Variants in ANK2 observed in about 807,000 individuals in gnomAD.
The protein encoded by ANK2 is ankyrin-2.
In ANK2, 83 loss-of-function variants were observed where a neutral mutation model predicts 360.5. The observed-to-expected ratio is 0.23, with a 90% confidence interval of 0.19 to 0.28. The LOEUF is 0.28. Among genes scored for constraint, ANK2 ranks in the 10% least tolerant of loss-of-function variants. ANK2 has a pLI of 1.00. For missense variants in ANK2, 4,201 were observed against 4,795.7 expected, an observed-to-expected ratio of 0.88 and a Z score of 3.66; for synonymous variants, 1,740 against 1,759.5, an observed-to-expected ratio of 0.99 and a Z score of 0.28.
intron 2 of ANK2, among the ~76,000 whole-genome samples, chr4:113,192,237 T>G (rs1199541091): frequency 6.6e-6 from 1 of 152,118 alleles, no homozygotes; most frequent in East Asian, 1.9e-4. Context: ...TTTTTGTGAG[T>G]GCCAATGTTT....
At chr4:112,721,440 G>A in the ANK2 span, among the ~76,000 whole-genome samples, 1 of 150,770 alleles carries the variant, frequency 6.6e-6, no homozygotes, top group Non-Finnish European at 1.5e-5. Context: ...TACTTGGGAG[G>A]CTAAGGCAGG....
chr4:112,774,190 G>A, the ANK2 span, among the ~76,000 whole-genome samples: 5 of 151,938 alleles, frequency 3.3e-5, no homozygotes, highest in South Asian at 2.1e-4. Flanking sequence ...CCCTGGTCAC[G>A]CCCTTAAGGA....
chr4:113,356,405 A>C lies in ANK2; in HGVS notation c.7787A>C (p.Lys2596Thr). The C allele has an allele frequency of 6.2e-7, 1 of 1,614,184 alleles. No homozygotes were observed. Among genetic ancestry groups the C allele is most frequent in the Non-Finnish European group, 8.5e-7 (1 of 1,180,002 alleles). Residue 2596 changes from lysine (K) to threonine (T), a missense_variant, in exon 38 of 46, where the codon AAA (lysine) becomes ACA (threonine). Physicochemically the swap from Lys to Thr is moderately conservative, Grantham distance 78 (BLOSUM62 -1). Transcript: ENST00000357077. ...ATGTTTAAAATGGTAACCAAAATCA[A>C]AATGTTTGATGAACTTGAACAAGAA... ...EEMFKMVTKI[K>T]MFDELEQEAK...
intron 1 of ANK2, among the ~76,000 whole-genome samples, chr4:112,819,983 C>A (rs2056537381): frequency 6.6e-6 from 1 of 152,230 alleles, no homozygotes; most frequent in African/African-American, 2.4e-5. Context: ...AAACGATGCT[C>A]ATCCTTGGGC....
intron 22 of ANK2, among the ~76,000 whole-genome samples, chr4:113,300,581 T>C (rs954990881): frequency 5.3e-5 from 8 of 152,126 alleles, no homozygotes; most frequent in African/African-American, 1.9e-4. Context: ...TAGGAGTACA[T>C]AGCAGCAGAT....
At chr4:112,721,571 G>T in the ANK2 span, among the ~76,000 whole-genome samples, 8 of 140,052 alleles carry the variant, frequency 5.7e-5, no homozygotes, top group Admixed American at 1.5e-4. Flanking sequence ...AAAAAAAAAG[G>T]TTGGCTACCC....
chr4:113,247,264 T>C lies in ANK2; in HGVS notation c.892-2500T>C, dbSNP rs573267507. On this transcript the variant is annotated intron_variant, in intron 9 of 45. Coordinates refer to ENST00000357077, the MANE Select transcript of ANK2 (RefSeq NM_001148.6). ...CTTAAGAATTTAAGTAAAAAGATTT[T>C]AGAATACAAAAGCTTGAAAAGAATT... is the stretch of plus-strand genomic sequence containing the variant. 5.6e-4 allele frequency among the ~76,000 whole-genome samples: 85 copies of C among 152,236 alleles called. 2 individuals carry two copies. In the South Asian group the frequency reaches 0.017, roughly 30 times the overall value.
chr4:112,828,996 G>A (rs2059079089), intron 1 of ANK2, among the ~76,000 whole-genome samples: 1 of 152,014 alleles, frequency 6.6e-6, no homozygotes, highest in Admixed American at 6.6e-5. Context: ...TCTACTAAAA[G>A]CAAAACAAAA....
In ANK2 at chr4:113,353,237, C is replaced by T. The variant is rs144447291; in HGVS notation, c.4619C>T (p.Ala1540Val). Residue 1540 changes from alanine to valine, a missense_variant, in exon 38 of 46, where the codon GCT becomes GTT. By Grantham distance (64) the Ala-to-Val change is moderately conservative. This residue lies in a region of ANK2 where 1,268 missense variants were observed against 1,650.8 expected (regional missense o/e 0.77). Coordinates refer to ENST00000357077, the MANE Select transcript of ANK2 (RefSeq NM_001148.6). ...ATTAAAGTGAAGGAGCTGGTGAAGG[C>T]TGCTGAGGAAGAGCCAGGAGAGCCT... The part of the protein sequence containing the change: ...GSIKVKELVK[A>V]AEEEPGEPFE... 6.2e-7 allele frequency: 1 copy of T among 1,613,998 alleles called. No individual in the cohort carries two copies. The highest frequency in any genetic ancestry group is 1.3e-5 in the African/African-American group (1 of 75,004).
At chr4:112,920,008 TA>T (rs200201971) in intron 2 of ANK2, among the ~76,000 whole-genome samples, 1,660 of 152,218 alleles carry the variant, frequency 0.011, 27 homozygotes, top group African/African-American at 0.038. Context: ...TATGGAATTT[TA>T]GGTTTCTTGG....
chr4:112,906,436 G>C (rs2085246140), intron 2 of ANK2, among the ~76,000 whole-genome samples: 2 of 152,164 alleles, frequency 1.3e-5, no homozygotes, highest in South Asian at 4.1e-4. Context: ...TCCAGCGTCT[G>C]GATAGGGAAG....
chr4:113,282,910 G>A (rs754750265), intron 18 of ANK2, 38 bp downstream of exon 18: 4 of 1,605,832 alleles, frequency 2.5e-6, no homozygotes, highest in Non-Finnish European at 1.7e-6. Flanking sequence ...AGAGTGTTTT[G>A]GATGCATGTA....
chr4:113,270,819 CA>C, intron 14 of ANK2, among the ~76,000 whole-genome samples: 1 of 152,302 alleles, frequency 6.6e-6, no homozygotes, highest in South Asian at 2.1e-4. Context: ...ATGTTTCAAG[CA>C]GCAAGAAGTT....
chr4:112,728,292 C>CAAAAA, the ANK2 span, among the ~76,000 whole-genome samples: 769 of 39,984 alleles, frequency 0.019, 3 homozygotes, highest in East Asian at 0.025. Flanking sequence ...GACTCTGTCT[C>CAAAAA]AAAAAAAAAA....
chr4:112,976,020 T>C (rs2041270035), intron 2 of ANK2, among the ~76,000 whole-genome samples: 1 of 152,184 alleles, frequency 6.6e-6, no homozygotes, highest in Non-Finnish European at 1.5e-5. Flanking sequence ...GAAAATTGAA[T>C]ATGCTCACAC....
intron 1 of ANK2, among the ~76,000 whole-genome samples, chr4:113,094,531 TGTGTGTGCATGCATGTGTGTGCGC>T (rs1413269564): frequency 6.6e-6 from 1 of 151,932 alleles, no homozygotes; most frequent in East Asian, 2.0e-4. Context: ...TGTGTGTGTG[TGTGTGTGCATGCATGTGTGTGCGC>T]GTGTGTGTAT....
chr4:113,243,584 A>ATC (rs2041206359), intron 9 of ANK2, among the ~76,000 whole-genome samples: 1 of 152,140 alleles, frequency 6.6e-6, no homozygotes, highest in African/African-American at 2.4e-5. Flanking sequence ...GTGTCTTTGC[A>ATC]TCAGAGTTTT....
chr4:112,827,833 CAAT>C (rs1579148109), intron 1 of ANK2, among the ~76,000 whole-genome samples: 1 of 152,002 alleles, frequency 6.6e-6, no homozygotes, highest in South Asian at 2.1e-4. Flanking sequence ...ATCTAAGTGA[CAAT>C]AATATTTTTT....
chr4:113,328,326 G>A (rs2091095059), intron 26 of ANK2, among the ~76,000 whole-genome samples: 1 of 151,654 alleles, frequency 6.6e-6, no homozygotes. Flanking sequence ...AATGAATTTG[G>A]AAGTAGCACT....
Sources: gnomAD v4.1 joint callset for allele counts (sites outside exome capture counted in the v4.1 genomes callset) on GRCh38, gnomAD v4.1.1 for gene constraint, gnomAD v4.1.1 regional missense constraint, MANE v1.5 for transcripts, NCBI Gene and HGNC (gene_info 2026-07-23, HGNC 2026-07-21) for gene names.